ARAP1: variants seen among roughly 807,000 people sequenced by gnomAD.
ARAP1 encodes arf-GAP with Rho-GAP domain, ANK repeat and PH domain-containing protein 1.
In ARAP1, 76 loss-of-function variants were observed where a neutral mutation model predicts 172.2. That is an observed-to-expected ratio of 0.44 (90% CI 0.37 to 0.53). The LOEUF (loss-of-function observed/expected upper bound fraction) is 0.53. Ranked by LOEUF, ARAP1 falls within the 20% of genes least tolerant of loss-of-function variation. The probability of loss-of-function intolerance (pLI) is 0.00; values close to 1 mark genes in which losing one functional copy is unlikely to be tolerated. For missense variants in ARAP1, 1,686 were observed against 1,977.5 expected (o/e 0.85, Z 2.80); for synonymous variants, 804 against 803.3 (o/e 1.00, Z -0.01).
chr11:72,721,851 C>T (rs1298981117), intron 3 of ARAP1: 1 of 985,600 alleles, frequency 1.0e-6, no homozygotes, highest in African/African-American at 1.7e-5. Context: ...CTCGCTTACC[C>T]TCAGACGCCT....
At chr11:72,738,683 C>T (rs1160290940) in intron 1 of ARAP1, among the ~76,000 whole-genome samples, 1 of 152,114 alleles carries the variant, frequency 6.6e-6, no homozygotes, top group Admixed American at 6.5e-5. Flanking sequence ...AGCTCCCCAA[C>T]AGGAACCAAG....
intron 22 of ARAP1, 90 bp from the exon 23 acceptor site, chr11:72,696,744 ACAG>A (rs1355916423): frequency 1.8e-6 from 2 of 1,133,912 alleles, no homozygotes; most frequent in East Asian, 2.5e-5. Flanking sequence ...ATGGTGGGTG[ACAG>A]CAGTCCCTGT....
At chr11:72,751,739 A>G in intron 1 of ARAP1, among the ~76,000 whole-genome samples, 1 of 151,570 alleles carries the variant, frequency 6.6e-6, no homozygotes, top group Non-Finnish European at 1.5e-5. Context: ...CCCTGCACCA[A>G]ACACCCATCC....
intron 31 of ARAP1, 115 bp downstream of exon 31, chr11:72,688,340 A>G (rs944490398): frequency 5.7e-5 from 51 of 893,300 alleles, no homozygotes; most frequent in Non-Finnish European, 8.7e-5. Flanking sequence ...AGACCACACC[A>G]TCAGAGCCCC....
chr11:72,686,124 C>T lies in ARAP1; in HGVS notation c.4253G>A (p.Gly1418Asp), dbSNP rs868281811. ...VSRAVPEVRL[G>D]SVSLIPLRGS... ...TCGAAGGGGGATCAGTGACACACTACCCAGCCGGACCTCAGGCACTGCCCG... is the reference window on the plus strand; with the variant it reads ...TCGAAGGGGGATCAGTGACACACTATCCAGCCGGACCTCAGGCACTGCCCG... Residue 1418 changes from glycine to aspartate, a missense_variant, in exon 34 of 35, where the codon GGT (glycine) becomes GAT (aspartate). By Grantham distance (94) the Gly-to-Asp change is moderately conservative. Coordinates refer to ENST00000393609, the MANE Select transcript of ARAP1 (RefSeq NM_001040118.3). The T allele has an allele frequency of 2.5e-6, 4 of 1,614,074 alleles. No individual in the cohort carries two copies. In the East Asian group the frequency reaches 8.9e-5, roughly 36 times the overall value.
rs56885789 is a variant in ARAP1, at chr11:72,707,135, G to A, written c.1723+40C>T. 1.2e-3 allele frequency: 1,855 copies of A among 1,506,156 alleles called. 14 individuals carry two copies. The African/African-American group carries it at 0.023, about 19-fold the overall frequency. 93.3% of individuals were successfully genotyped at this position (1,506,156 alleles called of 1,614,324 possible). A position where few individuals can be genotyped will look rare whatever the true frequency, so the allele number is the denominator to read the frequency against. On this transcript the variant is annotated intron_variant, in intron 12 of 34. Transcript: ENST00000393609. ...CCTGCCATCCCAACTGGCCAACCCC[G>A]CCATGCCTCTGCCTGGTGCCCCGAC...
rs776865524 is a variant in ARAP1 at position 72,712,460 on chromosome 11, G to A, written c.856C>T (p.His286Tyr). ...DDQGDEEEDD[H>Y]AYEGVPNGGW... Reference sequence around the variant, plus strand: ...CACTTGGGGACGCCCTCATAGGCGTGGTCATCCTCTTCCTCATCCCCTTGG... The same window carrying A: ...CACTTGGGGACGCCCTCATAGGCGTAGTCATCCTCTTCCTCATCCCCTTGG... Residue 286 changes from histidine (H) to tyrosine (Y), a missense_variant, in exon 6 of 35, where the codon CAC becomes TAC. Coordinates refer to ENST00000393609, the MANE Select transcript of ARAP1 (RefSeq NM_001040118.3). 6.3e-7 allele frequency: 1 copy of A among 1,598,800 alleles called. No individual in the cohort carries two copies. Among genetic ancestry groups the A allele is most frequent in the Non-Finnish European group, 8.6e-7 (1 of 1,168,964 alleles).
rs1856352012 is a variant in ARAP1 at position 72,699,132 on chromosome 11, A to G, written c.2439-25T>C. 1 of 1,611,560 alleles carries G rather than the reference A, an allele frequency of 6.2e-7. No homozygotes were observed. On this transcript the variant is annotated intron_variant, in intron 17 of 34. Coordinates refer to ENST00000393609, the MANE Select transcript of ARAP1 (RefSeq NM_001040118.3). The surrounding 1 kb of genome is among the most constrained non-coding windows in gnomAD (Gnocchi z 4.2). The stretch of plus-strand genomic sequence containing the variant: ...GCTGCAAATACACAGGCCAGGACTC[A>G]GGCCCACCTCATCCAGCACGGGCCC...
intron 2 of ARAP1, among the ~76,000 whole-genome samples, chr11:72,731,439 C>T (rs966885993): frequency 6.6e-6 from 1 of 152,154 alleles, no homozygotes; most frequent in African/African-American, 2.4e-5. Flanking sequence ...CCCGGCTTCT[C>T]TCTTGCTTCC....
chr11:72,738,299 G>C (rs1279755584), intron 1 of ARAP1, among the ~76,000 whole-genome samples: 1 of 152,162 alleles, frequency 6.6e-6, no homozygotes, highest in Non-Finnish European at 1.5e-5. Context: ...CTGACCGTGT[G>C]GGTGTGGCTC....
intron 3 of ARAP1, among the ~76,000 whole-genome samples, chr11:72,717,503 AG>A (rs1396103546): frequency 6.6e-6 from 1 of 152,148 alleles, no homozygotes; most frequent in Non-Finnish European, 1.5e-5. Context: ...CGGCAGCATC[AG>A]CCCCCCTCCT....
At chr11:72,748,384 G>A (rs1335368696) in intron 1 of ARAP1, among the ~76,000 whole-genome samples, 4 of 152,104 alleles carry the variant, frequency 2.6e-5, no homozygotes, top group Non-Finnish European at 5.9e-5. Context: ...GCTGGGTATG[G>A]TGGCGCGTGC....
In ARAP1 at chr11:72,695,796, G is replaced by A. The variant is rs761118663; in HGVS notation, c.3342C>T (p.Leu1114=). The A allele has an allele frequency of 3.7e-6, 6 of 1,614,066 alleles. No homozygotes were observed. Among genetic ancestry groups the A allele is most frequent in the Middle Eastern group, 1.6e-4 (1 of 6,084 alleles). The change falls in exon 24 of 35, where the codon CTC becomes CTT. Residue 1114 remains leucine, a synonymous_variant. Coordinates refer to ENST00000393609, the MANE Select transcript of ARAP1 (RefSeq NM_001040118.3). This position sits in a 1 kb window ranked among gnomAD's most constrained non-coding sequence, Gnocchi z 4.4. Reference sequence around the variant, plus strand: ...TGTAGTCCTGCCCATCTGTCTGGAAGAGCGTGGGCCCAAACACAATTGCCA... The same window carrying A: ...TGTAGTCCTGCCCATCTGTCTGGAAAAGCGTGGGCCCAAACACAATTGCCA... ...HNLAIVFGPT[L]FQTDGQDYKA...
rs201487448 is a variant in ARAP1, at chr11:72,712,202, G to T, written c.1016C>A (p.Pro339Gln). ...IKAGWLDKNP[P>Q]QGSYIYQKRW... ...CCCAAGAGGCCTCACTCACCCCTGC[G>T]GTGGGTTCTTGTCCAGCCAGCCAGC... The change falls in exon 7 of 35, where the codon CCG (proline) becomes CAG (glutamine). Residue 339 changes from proline (P) to glutamine (Q), a missense_variant. Around this residue, in one of 5 missense-constraint regions of ARAP1, gnomAD observed 688 missense variants for 856.9 expected, o/e 0.80. Transcript: ENST00000393609. The T allele has an allele frequency of 6.2e-7, 1 of 1,601,772 alleles. No homozygotes were observed. The highest frequency in any genetic ancestry group is 1.1e-5 in the South Asian group (1 of 90,216).
In ARAP1 at chr11:72,712,481, C is replaced by G. The variant is rs1370953930; in HGVS notation, c.835G>C (p.Gly279Arg). 2 of 1,609,644 alleles carry G rather than the reference C, an allele frequency of 1.2e-6. No individual in the cohort carries two copies. The highest frequency in any genetic ancestry group is 1.7e-5 in the Admixed American group (1 of 59,798). ...GCGTGGTCATCCTCTTCCTCATCCC[C>G]TTGGTCGTCCCCAGACAGTTCCTCT... ...EGEELSGDDQ[G>R]DEEEDDHAYE... Residue 279 changes from glycine to arginine, a missense_variant, in exon 6 of 35, where the codon GGG becomes CGG. Gly to Arg is a moderately radical substitution (Grantham distance 125, BLOSUM62 -2). Transcript: ENST00000393609.
At chr11:72,714,077 A>C (rs1217576187) in intron 4 of ARAP1, 75 bp downstream of exon 4, 19 of 1,363,346 alleles carry the variant, frequency 1.4e-5, no homozygotes, top group Non-Finnish European at 1.6e-5. Context: ...TGATCCTTGC[A>C]TACCTTCCAG....
chr11:72,690,935 C>A (rs1855908779), intron 30 of ARAP1, among the ~76,000 whole-genome samples: 1 of 152,244 alleles, frequency 6.6e-6, no homozygotes, highest in South Asian at 2.1e-4. Context: ...GCCGCATAAA[C>A]CAACAAATGC....
Position 72,699,717 on chromosome 11 carries a change from G to A in ARAP1, c.2303-165C>T, listed in dbSNP as rs1356252771. Among the ~76,000 whole-genome samples the A allele has an allele frequency of 6.6e-6, 1 of 152,076 alleles. No homozygotes were observed. The highest frequency in any genetic ancestry group is 1.9e-4 in the East Asian group (1 of 5,186). ...CTCTGCATCCCCACCACGCTAGCCAGCCCACAAGTCATCCGCTCCCCCAGG... is the reference window on the plus strand; with the variant it reads ...CTCTGCATCCCCACCACGCTAGCCAACCCACAAGTCATCCGCTCCCCCAGG... On this transcript the variant is annotated intron_variant, in intron 16 of 34. Coordinates refer to ENST00000393609, the MANE Select transcript of ARAP1 (RefSeq NM_001040118.3). The surrounding 1 kb of genome is among the most constrained non-coding windows in gnomAD (Gnocchi z 4.2).
intron 14 of ARAP1, 140 bp from the exon 15 acceptor site, chr11:72,703,219 G>A: frequency 1.1e-6 from 1 of 873,518 alleles, no homozygotes; most frequent in Non-Finnish European, 1.7e-6. Context: ...AGAGAGAATA[G>A]GAAGGAAGAA....
Sources: allele counts gnomAD v4.1 joint callset (sites outside exome capture counted in the v4.1 genomes callset), GRCh38; gene constraint gnomAD v4.1.1; regional missense constraint gnomAD v4.1.1; non-coding constraint Gnocchi (gnomAD v3.1); transcripts MANE v1.5; gene names NCBI Gene and HGNC (gene_info 2026-07-23, HGNC 2026-07-21).